The following SYCP2 variants were observed in gnomAD, a reference collection of about 807,000 sequenced individuals.
SYCP2 encodes synaptonemal complex lateral element protein.
Under a neutral mutation model 211.3 loss-of-function variants are expected in SYCP2, and 55 were observed. The observed-to-expected ratio is 0.26, with a 90% CI of 0.21 to 0.33. The LOEUF (loss-of-function observed/expected upper bound fraction) is 0.33. Ranked by LOEUF, SYCP2 falls within the 10% of genes least tolerant of loss-of-function variation. The pLI, the probability that SYCP2 is intolerant of heterozygous loss-of-function variation, is 1.00. For missense variants in SYCP2, 1,731 were observed against 1,752.0 expected (o/e 0.99, Z 0.21); for synonymous variants, 570 against 555.2 (o/e 1.03, Z -0.37).
At chr20:59,906,646 T>C (rs6027190) in intron 15 of SYCP2, among the ~76,000 whole-genome samples, 10,431 of 152,138 alleles carry the variant, frequency 0.069, 708 homozygotes, top group African/African-American at 0.18. Context: ...ACAAAAATTT[T>C]TTGGGTCACG....
rs79070220 is a variant in SYCP2, at chr20:59,883,637, T to TA, written c.2530-1473dup. On this transcript the variant is annotated intron_variant, in intron 26 of 44. Transcript: ENST00000357552. ...ATGATCTCCCTTATATGTGGAATCTTAAAAAAAAAAAAATGTCAAATCTAT... is the reference window on the plus strand; with the variant it reads ...ATGATCTCCCTTATATGTGGAATCTTAAAAAAAAAAAAAATGTCAAATCTAT... 1.7e-3 allele frequency among the ~76,000 whole-genome samples: 246 copies of TA among 143,148 alleles called. 1 individual carries two copies. The highest frequency in any genetic ancestry group is 2.9e-3 in the South Asian group (13 of 4,528). The allele number at this position is 143,148 out of a possible 152,430, so 93.9% of individuals were successfully genotyped here.
chr20:59,927,913 T>G lies in SYCP2; in HGVS notation c.-47+4149A>C, dbSNP rs554279817. 1.5e-3 allele frequency among the ~76,000 whole-genome samples: 225 copies of G among 152,272 alleles called. 1 individual carries two copies. The highest frequency in any genetic ancestry group is 5.1e-3 in the African/African-American group (213 of 41,552). ...TGCCCCTGTGAGAAAGTCAGTATTT[T>G]GTTCTGTCCTTTTTTTCTGGAGTCA... is the stretch of plus-strand genomic sequence containing the variant. On this transcript the variant is annotated intron_variant, in intron 2 of 44. Coordinates refer to ENST00000357552, the MANE Select transcript of SYCP2 (RefSeq NM_014258.4).
Position 59,912,425 on chromosome 20 carries a change from T to C in SYCP2, c.831-7A>G, listed in dbSNP as rs1205719047. ...ACAAGGAAATGTAAAGACCCTGAAATAAAAAGTAGTTTAAGAAAAAAATAA... is the reference window on the plus strand; with the variant it reads ...ACAAGGAAATGTAAAGACCCTGAAACAAAAAGTAGTTTAAGAAAAAAATAA... On this transcript the variant is annotated splice_region_variant and splice_polypyrimidine_tract_variant and intron_variant, in intron 12 of 44. Transcript: ENST00000357552. 1.9e-6 allele frequency: 2 copies of C among 1,033,560 alleles called. No homozygotes were observed. Among genetic ancestry groups the C allele is most frequent in the Non-Finnish European group, 2.8e-6 (2 of 713,356 alleles). The allele number at this position is 1,033,560 out of a possible 1,614,324, so 64.0% of individuals were successfully genotyped here. A position where few individuals can be genotyped will look rare whatever the true frequency, so the allele number is the denominator to read the frequency against.
chr20:59,867,549 G>C (rs948702186), intron 39 of SYCP2, among the ~76,000 whole-genome samples, 162 bp downstream of exon 39: 1 of 151,572 alleles, frequency 6.6e-6, no homozygotes, highest in Non-Finnish European at 1.5e-5. Flanking sequence ...GAAAGAATAC[G>C]GGTAATATAC....
At position 59,880,303 on chromosome 20, in the gene SYCP2, T is replaced by C. The variant is rs778052393; in HGVS notation, c.2941A>G (p.Arg981Gly). Residue 981 changes from arginine to glycine, a missense_variant and splice_region_variant, in exon 31 of 45, where the codon AGA becomes GGA. Coordinates refer to ENST00000357552, the MANE Select transcript of SYCP2 (RefSeq NM_014258.4). ...NVKNHKSGKS[R>G]SSLEKGQPSS... ...ATTTATCCAAAAGATAATTTCTTACTTGATTTTCCACTTTTATGATTCTTC... is the reference window on the plus strand; with the variant it reads ...ATTTATCCAAAAGATAATTTCTTACCTGATTTTCCACTTTTATGATTCTTC... 6.4e-7 allele frequency: 1 copy of C among 1,571,560 alleles called. No individual in the cohort carries two copies. Among genetic ancestry groups the C allele is most frequent in the Non-Finnish European group, 8.7e-7 (1 of 1,155,986 alleles).
At chr20:59,903,346 G>A (rs528191482) in intron 15 of SYCP2, among the ~76,000 whole-genome samples, 140 of 152,198 alleles carry the variant, frequency 9.2e-4, no homozygotes, top group Non-Finnish European at 1.5e-3. Context: ...GAATGAATAG[G>A]AAGAGAAGGA....
intron 18 of SYCP2, among the ~76,000 whole-genome samples, chr20:59,897,813 G>A (rs1393874816): frequency 6.6e-6 from 1 of 150,522 alleles, no homozygotes; most frequent in Non-Finnish European, 1.5e-5. Context: ...GCCGGGTGCA[G>A]TGGCTCATGC....
At chr20:59,866,854 A>G (rs1470698719) in intron 39 of SYCP2, among the ~76,000 whole-genome samples, 1 of 151,670 alleles carries the variant, frequency 6.6e-6, no homozygotes, top group Non-Finnish European at 1.5e-5. Context: ...AGTATTTACA[A>G]AAATGCTGAT....
chr20:59,923,507 T>C (rs2145887513), intron 2 of SYCP2, among the ~76,000 whole-genome samples: 1 of 151,960 alleles, frequency 6.6e-6, no homozygotes, highest in Admixed American at 6.6e-5. Flanking sequence ...TTTTTTTAAA[T>C]ATTGTATGTT....
In SYCP2 at chr20:59,912,358, A is replaced by T; in HGVS notation, c.876+15T>A. 1.0e-6 allele frequency: 1 copy of T among 968,652 alleles called. No individual in the cohort carries two copies. Among genetic ancestry groups the T allele is most frequent in the Non-Finnish European group, 1.5e-6 (1 of 650,848 alleles). 60.0% of individuals were successfully genotyped at this position (968,652 alleles called of 1,614,324 possible). On this transcript the variant is annotated intron_variant, in intron 13 of 44. Transcript: ENST00000357552. ...CATGCAATAACTAAAATAATGTGTT[A>T]AATTAAAATTTTACCTCATATTTAT...
chr20:59,889,793 T>G (rs1228600489), intron 24 of SYCP2, among the ~76,000 whole-genome samples: 1 of 152,026 alleles, frequency 6.6e-6, no homozygotes, highest in Non-Finnish European at 1.5e-5. Flanking sequence ...ACTACCAAGG[T>G]TGCTCTGGGG....
intron 2 of SYCP2, among the ~76,000 whole-genome samples, chr20:59,928,466 T>C (rs2060674132): frequency 6.6e-6 from 1 of 152,158 alleles, no homozygotes; most frequent in Non-Finnish European, 1.5e-5. Flanking sequence ...TTTGAGAGAT[T>C]TGGCTAATTC....
Position 59,868,819 on chromosome 20 carries a change from G to A in SYCP2, c.3832+16C>T, listed in dbSNP as rs754945813. 13 of 1,582,684 alleles carry A rather than the reference G, an allele frequency of 8.2e-6. No homozygotes were observed. In the Admixed American group the frequency reaches 2.2e-4, roughly 27 times the overall value. On this transcript the variant is annotated intron_variant, in intron 37 of 44. Coordinates refer to ENST00000357552, the MANE Select transcript of SYCP2 (RefSeq NM_014258.4). ...TCAGTAATCATTTTTTAAAAAGCAA[G>A]ACTATGACTACAAACCTGATACATG...
chr20:59,876,143 C>T (rs181861122), intron 33 of SYCP2, among the ~76,000 whole-genome samples: 9 of 151,598 alleles, frequency 5.9e-5, no homozygotes, highest in East Asian at 3.9e-4. Context: ...GAGGCCGAGG[C>T]GGGCAGATCA....
intron 2 of SYCP2, among the ~76,000 whole-genome samples, chr20:59,925,990 C>A (rs1369247604): frequency 6.6e-6 from 1 of 151,944 alleles, no homozygotes; most frequent in Non-Finnish European, 1.5e-5. Flanking sequence ...CAGAATTCTT[C>A]CTAACCCCAC....
At chr20:59,892,450 ATTC>A (rs2059925267) in intron 23 of SYCP2, 24 bp from the exon 24 acceptor site, 1 of 1,463,620 alleles carries the variant, frequency 6.8e-7, no homozygotes, top group Non-Finnish European at 9.2e-7. Context: ...TGAGAAATTA[ATTC>A]TTTTTAAATT....
At chr20:59,911,176 C>T (rs79114327) in intron 14 of SYCP2, among the ~76,000 whole-genome samples, 3,053 of 152,148 alleles carry the variant, frequency 0.02, 41 homozygotes, top group Middle Eastern at 0.041. Flanking sequence ...GTATCAAATA[C>T]GAGGTGGTAG....
chr20:59,907,117 T>G (rs148847258), intron 15 of SYCP2, among the ~76,000 whole-genome samples: 82 of 152,224 alleles, frequency 5.4e-4, no homozygotes, highest in African/African-American at 1.9e-3. Context: ...GCCTTAAACA[T>G]AGAGACCAGA....
At chr20:59,911,153 A>T (rs904726729) in intron 14 of SYCP2, among the ~76,000 whole-genome samples, 1 of 152,198 alleles carries the variant, frequency 6.6e-6, no homozygotes, top group Non-Finnish European at 1.5e-5. Flanking sequence ...ATTTGAGCTA[A>T]ATGTATGCAA....
Sources: gnomAD v4.1 joint callset for allele counts (sites outside exome capture counted in the v4.1 genomes callset) on GRCh38, gnomAD v4.1.1 for gene constraint, MANE v1.5 for transcripts, NCBI Gene and HGNC (gene_info 2026-07-23, HGNC 2026-07-21) for gene names.